The following CHCHD3 variants were observed in gnomAD, a reference collection of about 807,000 sequenced individuals.
CHCHD3 encodes the protein coiled-coil-helix-coiled-coil-helix domain containing 3, also known as MICOS complex subunit MIC19.
CHCHD3 carries 20 observed loss-of-function variants against 38.2 expected under a neutral mutation model. The observed-to-expected ratio is 0.52, with a 90% confidence interval of 0.37 to 0.76. The LOEUF (loss-of-function observed/expected upper bound fraction) is 0.76, where lower values mean the gene tolerates loss of function less well. Among genes scored for constraint, CHCHD3 ranks in the 30% least tolerant of loss-of-function variants. The pLI is 0.00. For synonymous variants in CHCHD3, 82 were observed against 100.0 expected (o/e 0.82, Z 1.07); for missense variants, 245 against 279.2 (o/e 0.88, Z 0.87).
intron 4 of CHCHD3, among the ~76,000 whole-genome samples, chr7:132,895,303 A>G (rs916724165): frequency 6.6e-6 from 1 of 152,238 alleles, no homozygotes. Context: ...AATTTGGACC[A>G]GATAATTCTT....
At chr7:132,807,755 G>A (rs1053130759) in intron 6 of CHCHD3, among the ~76,000 whole-genome samples, 2 of 151,138 alleles carry the variant, frequency 1.3e-5, no homozygotes, top group Non-Finnish European at 2.9e-5. Flanking sequence ...AAGCAGGGGA[G>A]TTGGATAGGT....
chr7:133,058,078 G>A (rs985875384), intron 2 of CHCHD3, among the ~76,000 whole-genome samples: 1 of 152,092 alleles, frequency 6.6e-6, no homozygotes, highest in Non-Finnish European at 1.5e-5. Flanking sequence ...AACATATTGT[G>A]CTCAATGAGT....
chr7:133,013,326 G>A (rs910132432), intron 3 of CHCHD3, among the ~76,000 whole-genome samples: 7 of 151,960 alleles, frequency 4.6e-5, no homozygotes, highest in African/African-American at 7.2e-5. Flanking sequence ...GACTGCCTGC[G>A]TTCAAATTCC....
At chr7:132,832,615 A>C (rs1296393812) in intron 6 of CHCHD3, among the ~76,000 whole-genome samples, 1 of 152,162 alleles carries the variant, frequency 6.6e-6, no homozygotes, top group East Asian at 1.9e-4. Flanking sequence ...TTACTATCAC[A>C]TTGTCTTTAC....
At chr7:132,850,318 T>C (rs1186746974) in intron 5 of CHCHD3, among the ~76,000 whole-genome samples, 1 of 152,200 alleles carries the variant, frequency 6.6e-6, no homozygotes, top group Admixed American at 6.5e-5. Flanking sequence ...GCTTTTATAA[T>C]TACCCTTTCG....
intron 4 of CHCHD3, among the ~76,000 whole-genome samples, chr7:132,941,206 G>A (rs114201710): frequency 6.6e-6 from 1 of 152,280 alleles, no homozygotes; most frequent in African/African-American, 2.4e-5. Context: ...AAATATTGAT[G>A]ATAACAGTTC....
chr7:132,895,381 C>G (rs138855073), intron 4 of CHCHD3, among the ~76,000 whole-genome samples: 1 of 152,218 alleles, frequency 6.6e-6, no homozygotes, highest in African/African-American at 2.4e-5. Flanking sequence ...ATCCGTACAG[C>G]CCAGCAGCAC....
intron 6 of CHCHD3, among the ~76,000 whole-genome samples, chr7:132,808,027 AT>A (rs1806977412): frequency 6.6e-6 from 1 of 152,168 alleles, no homozygotes; most frequent in African/African-American, 2.4e-5. Flanking sequence ...GACGACAGAT[AT>A]GAAATCCCAC....
Position 132,907,887 on chromosome 7 carries a change from A to G in CHCHD3, c.370-22142T>C, listed in dbSNP as rs118017436. ...TAAATATCTTCTAAAGGAAAGGTAT[A>G]AATTCTAGTGAGAGGGCAGTGAACT... is the stretch of plus-strand genomic sequence containing the variant. On this transcript the variant is annotated intron_variant, in intron 4 of 7. Transcript: ENST00000262570. Among the ~76,000 whole-genome samples the G allele has an allele frequency of 3.3e-3, 496 of 152,270 alleles. 3 individuals are homozygous for G. The Middle Eastern group carries it at 0.038, about 12-fold the overall frequency.
At chr7:132,860,316 AAGAGAG>A (rs60747145) in intron 5 of CHCHD3, among the ~76,000 whole-genome samples, 1 of 134,620 alleles carries the variant, frequency 7.4e-6, no homozygotes, top group Non-Finnish European at 1.7e-5. Flanking sequence ...GAGAGAGAGA[AAGAGAG>A]AGAGAGAGAG....
At chr7:132,789,808 A>G (rs776175879) in intron 7 of CHCHD3, among the ~76,000 whole-genome samples, 15 of 152,130 alleles carry the variant, frequency 9.9e-5, no homozygotes, top group Non-Finnish European at 1.8e-4. Context: ...AGCTGGGTAG[A>G]GAAGCAGGAA....
intron 3 of CHCHD3, among the ~76,000 whole-genome samples, chr7:133,018,844 T>C (rs1258741120): frequency 2.7e-5 from 4 of 147,026 alleles, no homozygotes; most frequent in Non-Finnish European, 1.5e-5. Context: ...CTTTACTATG[T>C]GAAAAGCACC....
intron 5 of CHCHD3, among the ~76,000 whole-genome samples, chr7:132,880,876 G>A (rs749995920): frequency 2.0e-5 from 3 of 152,102 alleles, no homozygotes; most frequent in Non-Finnish European, 4.4e-5. Flanking sequence ...AAACACTTAA[G>A]AACCTTCTCT....
At chr7:133,074,562 G>A (rs1184096963) in intron 1 of CHCHD3, among the ~76,000 whole-genome samples, 1 of 152,066 alleles carries the variant, frequency 6.6e-6, no homozygotes, top group Non-Finnish European at 1.5e-5. Context: ...GTAATATTCA[G>A]TTACTGGCAG....
chr7:132,927,822 G>A (rs998376438), intron 4 of CHCHD3, among the ~76,000 whole-genome samples: 4 of 152,132 alleles, frequency 2.6e-5, no homozygotes, highest in Non-Finnish European at 5.9e-5. Flanking sequence ...TCTGTCAGAC[G>A]TCTTTAAGAC....
intron 3 of CHCHD3, among the ~76,000 whole-genome samples, chr7:132,998,143 G>A (rs1350021851): frequency 1.3e-5 from 2 of 152,138 alleles, no homozygotes; most frequent in African/African-American, 2.4e-5. Flanking sequence ...ACTATAACAC[G>A]TATGTGATGC....
chr7:132,885,695 G>A lies in CHCHD3; in HGVS notation c.420C>T (p.Phe140=). The A allele has an allele frequency of 1.2e-6, 2 of 1,608,970 alleles. No homozygotes were observed. The highest frequency in any genetic ancestry group is 2.2e-5 in the South Asian group (2 of 90,184). Residue 140 remains phenylalanine (F), a synonymous_variant, in exon 5 of 8, where the codon TTC becomes TTT. Coordinates refer to ENST00000262570, the MANE Select transcript of CHCHD3 (RefSeq NM_017812.4). The stretch of plus-strand genomic sequence containing the variant: ...CCAGTCTAGCCAGCTGTTCTTTGTA[G>A]AATGCATCCTGCTTCTTTAGCACTC... ...KDRVLKKQDA[F]YKEQLARLEE...
At chr7:133,021,429 T>C (rs934326438) in intron 3 of CHCHD3, among the ~76,000 whole-genome samples, 1 of 152,186 alleles carries the variant, frequency 6.6e-6, no homozygotes, top group African/African-American at 2.4e-5. Flanking sequence ...CACACAGTTT[T>C]AGAAACATCC....
chr7:132,978,333 G>C (rs1000439500), intron 3 of CHCHD3, among the ~76,000 whole-genome samples: 2 of 151,916 alleles, frequency 1.3e-5, no homozygotes, highest in Non-Finnish European at 2.9e-5. Flanking sequence ...GATCTCTAAG[G>C]ACTTCTAAAA....
Sources: gnomAD v4.1 joint callset for allele counts (sites outside exome capture counted in the v4.1 genomes callset) on GRCh38, gnomAD v4.1.1 for gene constraint, MANE v1.5 for transcripts, NCBI Gene and HGNC (gene_info 2026-07-23, HGNC 2026-07-21) for gene names.